SMARCD3: variants seen among roughly 807,000 people sequenced by gnomAD.
The protein encoded by SMARCD3 is SWI/SNF related BAF chromatin remodeling complex subunit D3.
In SMARCD3, 14 loss-of-function variants were observed where a neutral mutation model predicts 58.0. The ratio of observed to expected loss-of-function variants is 0.24; its 90% CI spans 0.16 to 0.38. The LOEUF is 0.38. Among genes scored for constraint, SMARCD3 ranks in the 10% least tolerant of loss-of-function variants. SMARCD3 has a pLI of 1.00. For missense variants in SMARCD3, 408 were observed against 636.9 expected, an observed-to-expected ratio of 0.64 and a Z score of 3.87; for synonymous variants, 253 against 253.8, an observed-to-expected ratio of 1.00 and a Z score of 0.03.
At position 151,239,531 on chromosome 7, in the gene SMARCD3, G is replaced by C. The variant is rs1802843157; in HGVS notation, c.1297-34C>G. ...GAGCGTGGGGTGAGCCCTGAGCCCTGAATCCCCTCACCTGCCCCTGGAGTA... is the reference window on the plus strand; with the variant it reads ...GAGCGTGGGGTGAGCCCTGAGCCCTCAATCCCCTCACCTGCCCCTGGAGTA... On this transcript the variant is annotated intron_variant, in intron 11 of 12. Transcript: ENST00000262188. This position sits in a 1 kb window ranked among gnomAD's most constrained non-coding sequence, Gnocchi z 7.0. The C allele has an allele frequency of 6.2e-7, 1 of 1,608,426 alleles. No individual in the cohort carries two copies. The highest frequency in any genetic ancestry group is 1.3e-5 in the African/African-American group (1 of 74,902).
Position 151,238,939 on chromosome 7 carries a change from T to G in SMARCD3, c.*164A>C. 1 of 864,844 alleles carries G rather than the reference T, an allele frequency of 1.2e-6. No homozygotes were observed. The highest frequency in any genetic ancestry group is 1.8e-6 in the Non-Finnish European group (1 of 552,136). The allele number at this position is 864,844 out of a possible 1,614,324, so 53.6% of individuals were successfully genotyped here. On this transcript the variant is annotated 3_prime_UTR_variant, in exon 13 of 13. Transcript: ENST00000262188. Reference sequence around the variant, plus strand: ...TTCTTCCCTTCCCCTTCTCTCCCCCTCCCCTCCCCAGTTTCCAATGACCAC... The same window carrying G: ...TTCTTCCCTTCCCCTTCTCTCCCCCGCCCCTCCCCAGTTTCCAATGACCAC...
intron 2 of SMARCD3, among the ~76,000 whole-genome samples, chr7:151,262,525 G>A (rs887136877): frequency 3.9e-5 from 6 of 152,248 alleles, no homozygotes; most frequent in Admixed American, 6.5e-5. Context: ...TCCTCTACAC[G>A]TTTAGTGAGC....
chr7:151,257,118 C>T (rs183601156), intron 2 of SMARCD3, among the ~76,000 whole-genome samples: 3 of 152,256 alleles, frequency 2.0e-5, no homozygotes, highest in African/African-American at 4.8e-5. Context: ...CTCAAACTCC[C>T]GGGCTCAAGT....
chr7:151,260,187 C>G (rs1249100353), intron 2 of SMARCD3, among the ~76,000 whole-genome samples: 1 of 152,152 alleles, frequency 6.6e-6, no homozygotes, highest in Non-Finnish European at 1.5e-5. Flanking sequence ...CAAGCTGCCT[C>G]CCCAGTGTCC....
chr7:151,275,244 C>A (rs1047261141), exon 2 of SMARCD3: 17 of 1,085,736 alleles, frequency 1.6e-5, no homozygotes, highest in African/African-American at 7.7e-5. Flanking sequence ...AAGGGCCATT[C>A]TGAGGATCTG....
At chr7:151,258,593 G>T (rs796295847) in intron 2 of SMARCD3, among the ~76,000 whole-genome samples, 1 of 148,562 alleles carries the variant, frequency 6.7e-6, no homozygotes, top group African/African-American at 2.5e-5. Context: ...AAAAGAAAAA[G>T]AAAAAGGGAG....
Position 151,241,674 on chromosome 7 carries a change from A to C in SMARCD3, c.778-21T>G. On this transcript the variant is annotated intron_variant, in intron 7 of 12. Transcript: ENST00000262188. The surrounding 1 kb of genome is among the most constrained non-coding windows in gnomAD (Gnocchi z 5.3). ...GGAGGCTGGGAAAAGGGGACTGTGAAAGTTAGACCAAAGGGAGAGAAAGGA... is the reference window on the plus strand; with the variant it reads ...GGAGGCTGGGAAAAGGGGACTGTGACAGTTAGACCAAAGGGAGAGAAAGGA... The C allele has an allele frequency of 6.2e-7, 1 of 1,603,184 alleles. No homozygotes were observed. Among genetic ancestry groups the C allele is most frequent in the Non-Finnish European group, 8.5e-7 (1 of 1,173,996 alleles).
Position 151,246,240 on chromosome 7 carries a change from C to A in SMARCD3, c.79-569G>T. 1 of 153,308 alleles carries A rather than the reference C, an allele frequency of 6.5e-6. No homozygotes were observed. 9.5% of individuals were successfully genotyped at this position (153,308 alleles called of 1,614,324 possible). On this transcript the variant is annotated intron_variant, in intron 1 of 12. Coordinates refer to ENST00000262188, the MANE Select transcript of SMARCD3 (RefSeq NM_001003801.2). This position sits in a 1 kb window ranked among gnomAD's most constrained non-coding sequence, Gnocchi z 4.4. The stretch of plus-strand genomic sequence containing the variant: ...TCCTCCTGCTCCTCCTTCTCAGGCT[C>A]CACTTCTTGGGCGGTTCTGCCTGGT...
upstream of SMARCD3, among the ~76,000 whole-genome samples, chr7:151,250,020 A>T (rs1161649658): frequency 6.6e-6 from 1 of 152,100 alleles, no homozygotes; most frequent in African/African-American, 2.4e-5. Flanking sequence ...AGGTGAGGGC[A>T]GGACCATAGC....
rs916362003 is a variant in SMARCD3 at position 151,248,460 on chromosome 7, C to T, written c.78+25G>A. On this transcript the variant is annotated intron_variant, in intron 1 of 12. Transcript: ENST00000262188. The surrounding 1 kb of genome is among the most constrained non-coding windows in gnomAD (Gnocchi z 6.1). ...CAGCCCGAGCCAGCTCGCTTGCCCT[C>T]CCCCGCTAACTTTCCCCCACTCACC... The T allele has an allele frequency of 3.3e-5, 52 of 1,594,354 alleles. No homozygotes were observed. The highest frequency in any genetic ancestry group is 1.7e-4 in the Middle Eastern group (1 of 6,038).
chr7:151,245,336 GCCTCGCTCCCTGCTAATCATTCTT>G lies in SMARCD3; in HGVS notation c.290+100_290+123del. Reference sequence around the variant, plus strand: ...CCCCAGAGGGCATTCGACCCGGGAAGCCTCGCTCCCTGCTAATCATTCTTCCTCGCCCCTTCCAATCCCCGCTAC... The same window carrying G: ...CCCCAGAGGGCATTCGACCCGGGAAGCCTCGCCCCTTCCAATCCCCGCTAC... On this transcript the variant is annotated intron_variant, in intron 2 of 12. Transcript: ENST00000262188. The surrounding 1 kb of genome is among the most constrained non-coding windows in gnomAD (Gnocchi z 6.2). 2.5e-6 allele frequency: 1 copy of G among 401,932 alleles called. No homozygotes were observed. The highest frequency in any genetic ancestry group is 4.2e-6 in the Non-Finnish European group (1 of 236,900). 24.9% of individuals were successfully genotyped at this position (401,932 alleles called of 1,614,324 possible). A position where few individuals can be genotyped will look rare whatever the true frequency, so the allele number is the denominator to read the frequency against.
intron 2 of SMARCD3, among the ~76,000 whole-genome samples, chr7:151,258,154 C>T (rs1803764737): frequency 1.3e-5 from 2 of 152,126 alleles, no homozygotes; most frequent in African/African-American, 4.8e-5. Context: ...ACCCAGCAGC[C>T]CACTGCTTCT....
At chr7:151,255,114 A>G (rs1481935858) in intron 2 of SMARCD3, among the ~76,000 whole-genome samples, 1 of 151,974 alleles carries the variant, frequency 6.6e-6, no homozygotes, top group African/African-American at 2.4e-5. Context: ...ACCAGGTTCA[A>G]TCTCATGCTG....
At position 151,245,647 on chromosome 7, in the gene SMARCD3, G is replaced by A; in HGVS notation, c.103C>T (p.Arg35Trp). 2.6e-6 allele frequency: 3 copies of A among 1,173,208 alleles called. No homozygotes were observed. The highest frequency in any genetic ancestry group is 2.1e-6 in the Non-Finnish European group (2 of 935,106). The allele number at this position is 1,173,208 out of a possible 1,614,324, so 72.7% of individuals were successfully genotyped here. Reference sequence around the variant, plus strand: ...ATGGGCGCCCCCTGGTGGGGCATCCGGGCTCCAGACGGCATCCCGGGGCGC... The same window carrying A: ...ATGGGCGCCCCCTGGTGGGGCATCCAGGCTCCAGACGGCATCCCGGGGCGC... ...GVRPGMPSGARMPHQGAPMGP... is the reference protein window; with the variant it reads ...GVRPGMPSGAWMPHQGAPMGP... The change falls in exon 2 of 13, where the codon CGG becomes TGG. Residue 35 changes from arginine to tryptophan, a missense_variant. This residue lies in a region of SMARCD3 where 84 missense variants were observed against 81.2 expected (regional missense o/e 1.03). Coordinates refer to ENST00000262188, the MANE Select transcript of SMARCD3 (RefSeq NM_001003801.2). This position sits in a 1 kb window ranked among gnomAD's most constrained non-coding sequence, Gnocchi z 6.2.
chr7:151,275,951 A>G (rs1795326901), intron 1 of SMARCD3, among the ~76,000 whole-genome samples: 1 of 152,082 alleles, frequency 6.6e-6, no homozygotes, highest in Non-Finnish European at 1.5e-5. Context: ...GGTCTGGTTA[A>G]GCCATGTGAG....
At chr7:151,255,092 G>A (rs943951154) in intron 2 of SMARCD3, among the ~76,000 whole-genome samples, 4 of 152,088 alleles carry the variant, frequency 2.6e-5, no homozygotes, top group South Asian at 2.1e-4. Flanking sequence ...ACCTGCCCTC[G>A]GCCTTGAGGG....
Position 151,239,538 on chromosome 7 carries a change from C to G in SMARCD3, c.1297-41G>C, listed in dbSNP as rs759168308. 1 of 1,609,242 alleles carries G rather than the reference C, an allele frequency of 6.2e-7. No individual in the cohort carries two copies. The highest frequency in any genetic ancestry group is 8.5e-7 in the Non-Finnish European group (1 of 1,176,038). ...GGGTGAGCCCTGAGCCCTGAATCCC[C>G]TCACCTGCCCCTGGAGTACAACGTT... On this transcript the variant is annotated intron_variant, in intron 11 of 12. Coordinates refer to ENST00000262188, the MANE Select transcript of SMARCD3 (RefSeq NM_001003801.2). This position sits in a 1 kb window ranked among gnomAD's most constrained non-coding sequence, Gnocchi z 7.0.
intron 2 of SMARCD3, among the ~76,000 whole-genome samples, chr7:151,258,563 T>TAAAAAA (rs71196743): frequency 8.5e-5 from 10 of 117,018 alleles, no homozygotes; most frequent in African/African-American, 3.3e-4. Flanking sequence ...AGACTCTGCC[T>TAAAAAA]AAAAAAAAAA....
At chr7:151,268,504 G>A (rs1795064708) in intron 2 of SMARCD3, among the ~76,000 whole-genome samples, 1 of 152,160 alleles carries the variant, frequency 6.6e-6, no homozygotes, top group African/African-American at 2.4e-5. Context: ...CTCAGTGCTG[G>A]GGGCAAAAGA....
Sources: allele counts gnomAD v4.1 joint callset (sites outside exome capture counted in the v4.1 genomes callset), GRCh38; gene constraint gnomAD v4.1.1; regional missense constraint gnomAD v4.1.1; non-coding constraint Gnocchi (gnomAD v3.1); transcripts MANE v1.5; gene names NCBI Gene and HGNC (gene_info 2026-07-23, HGNC 2026-07-21).